The following SLIT2 variants were observed in gnomAD, a reference collection of about 807,000 sequenced individuals.
SLIT2 encodes the protein slit guidance ligand 2.
In SLIT2, 41 loss-of-function variants were observed where a neutral mutation model predicts 185.7. The ratio of observed to expected loss-of-function variants is 0.22; its 90% confidence interval spans 0.17 to 0.29. The LOEUF is 0.29. SLIT2 is among the 10% of genes least tolerant of loss of function. The pLI, the probability that SLIT2 is intolerant of heterozygous loss-of-function variation, is 1.00. For missense variants in SLIT2, 1,571 were observed against 1,909.0 expected, an observed-to-expected ratio of 0.82 and a Z score of 3.30; for synonymous variants, 693 against 680.2, an observed-to-expected ratio of 1.02 and a Z score of -0.29.
rs577557476 is a variant in SLIT2, at chr4:20,539,977, A to G, written c.1976+393A>G. 3.0e-4 allele frequency among the ~76,000 whole-genome samples: 45 copies of G among 152,244 alleles called. 1 individual carries two copies. The South Asian group carries it at 7.7e-3, about 26-fold the overall frequency. ...AGGAGAATTGATAGAGTTATTGCCAACAAACTTGCTCAAAAGGATCAGCTG... is the reference window on the plus strand; with the variant it reads ...AGGAGAATTGATAGAGTTATTGCCAGCAAACTTGCTCAAAAGGATCAGCTG... On this transcript the variant is annotated intron_variant, in intron 19 of 36. Transcript: ENST00000504154.
rs200224686 is a variant in SLIT2 at position 20,253,819 on chromosome 4, C to T, written c.4C>T (p.Arg2Cys). The T allele has an allele frequency of 1.4e-5, 23 of 1,598,440 alleles. No individual in the cohort carries two copies. In the East Asian group the frequency reaches 4.7e-4, roughly 33 times the overall value. ...AGGAAGGAGGCGGCGGGGAAAGATG[C>T]GCGGCGTTGGCTGGCAGATGCTGTC... M[R>C]GVGWQMLSLS... is the part of the protein sequence containing the mutation. Residue 2 changes from arginine (R) to cysteine (C), a missense_variant, in exon 1 of 37, where the codon CGC becomes TGC. Around this residue, in one of 3 missense-constraint regions of SLIT2, gnomAD observed 1,202 missense variants for 1,416.4 expected, o/e 0.85. Coordinates refer to ENST00000504154, the MANE Select transcript of SLIT2 (RefSeq NM_004787.4).
chr4:20,440,768 T>C (rs1313996282), intron 4 of SLIT2, among the ~76,000 whole-genome samples: 1 of 152,228 alleles, frequency 6.6e-6, no homozygotes, highest in Non-Finnish European at 1.5e-5. Context: ...ATTTGTAAGA[T>C]GTCAATAGAT....
Position 20,523,763 on chromosome 4 carries a change from A to G in SLIT2, c.1134A>G (p.Leu378=), listed in dbSNP as rs150128047. Residue 378 remains leucine, a synonymous_variant, in exon 13 of 37, where the codon TTA becomes TTG. Coordinates refer to ENST00000504154, the MANE Select transcript of SLIT2 (RefSeq NM_004787.4). The stretch of plus-strand genomic sequence containing the variant: ...CTACAACTATTTAATCAAACAGATT[A>G]TTGAATGCCAACAAGATAAACTGCC... ...FEGLFSLQLL[L]LNANKINCLR... is the part of the protein sequence containing the mutation. 18 of 1,613,436 alleles carry G rather than the reference A, an allele frequency of 1.1e-5. No individual in the cohort carries two copies. The African/African-American group carries it at 2.0e-4, about 18-fold the overall frequency.
At chr4:20,471,339 C>T (rs1008063625) in intron 5 of SLIT2, among the ~76,000 whole-genome samples, 1 of 152,012 alleles carries the variant, frequency 6.6e-6, no homozygotes, top group Non-Finnish European at 1.5e-5. Context: ...AAATTTAATT[C>T]CTATTATTGT....
chr4:20,591,595 C>T (rs537689094), intron 30 of SLIT2, among the ~76,000 whole-genome samples: 1 of 151,960 alleles, frequency 6.6e-6, no homozygotes, highest in South Asian at 2.1e-4. Context: ...TCCATTTTCA[C>T]TTTATACAAA....
chr4:20,503,667 T>G (rs139255848), intron 9 of SLIT2, among the ~76,000 whole-genome samples: 4 of 152,254 alleles, frequency 2.6e-5, no homozygotes, highest in African/African-American at 9.6e-5. Flanking sequence ...TAACACTTAG[T>G]CAAAAGGTGC....
At chr4:20,275,580 A>G (rs190900848) in intron 4 of SLIT2, among the ~76,000 whole-genome samples, 1 of 152,246 alleles carries the variant, frequency 6.6e-6, no homozygotes, top group African/African-American at 2.4e-5. Flanking sequence ...ATTTATCCTT[A>G]CTGTAGTAAC....
At position 20,611,447 on chromosome 4, in the gene SLIT2, A is replaced by T. The variant is rs182287311; in HGVS notation, c.3847+1280A>T. On this transcript the variant is annotated intron_variant, in intron 34 of 36. Transcript: ENST00000504154. ...CATAAAGGATATAAAGTTGAAGAAG[A>T]AATGTCCATTCTACTCCCTAAAAAG... Among the ~76,000 whole-genome samples the T allele has an allele frequency of 2.0e-3, 306 of 152,354 alleles. 1 individual carries two copies. Among genetic ancestry groups the T allele is most frequent in the Admixed American group, 4.2e-3 (65 of 15,304 alleles).
At chr4:20,381,308 T>G (rs890022663) in intron 4 of SLIT2, among the ~76,000 whole-genome samples, 7 of 151,930 alleles carry the variant, frequency 4.6e-5, no homozygotes, top group African/African-American at 1.7e-4. Context: ...GAGAATATTT[T>G]AAAAGCAGGC....
chr4:20,294,416 A>G (rs375881876), intron 4 of SLIT2, among the ~76,000 whole-genome samples: 13 of 152,122 alleles, frequency 8.5e-5, no homozygotes, highest in African/African-American at 3.1e-4. Flanking sequence ...AAGCCAGGTA[A>G]ATATACAAAG....
At chr4:20,609,835 AT>A (rs1177627868) in intron 33 of SLIT2, among the ~76,000 whole-genome samples, 177 bp from the exon 34 acceptor site, 11 of 152,208 alleles carry the variant, frequency 7.2e-5, no homozygotes. Context: ...ACTGAAATCA[AT>A]CACATCTCCT....
chr4:20,406,688 A>G (rs1422820770), intron 4 of SLIT2, among the ~76,000 whole-genome samples: 1 of 144,630 alleles, frequency 6.9e-6, no homozygotes, highest in East Asian at 2.5e-4. Flanking sequence ...TACAACTACA[A>G]GGACTCTCAA....
chr4:20,508,506 T>C (rs1719408250), intron 9 of SLIT2, among the ~76,000 whole-genome samples: 1 of 152,034 alleles, frequency 6.6e-6, no homozygotes, highest in South Asian at 2.1e-4. Flanking sequence ...TTAAATGATA[T>C]AGCAATACAT....
chr4:20,402,579 G>A (rs1726446375), intron 4 of SLIT2, among the ~76,000 whole-genome samples: 2 of 151,932 alleles, frequency 1.3e-5, no homozygotes, highest in Admixed American at 6.6e-5. Flanking sequence ...TGATAAGGGA[G>A]AAAATTTATT....
chr4:20,501,536 G>C (rs1021962587), intron 9 of SLIT2, among the ~76,000 whole-genome samples: 1 of 151,830 alleles, frequency 6.6e-6, no homozygotes, highest in Non-Finnish European at 1.5e-5. Context: ...TGCCTGCCTC[G>C]GCCTCTCAAA....
intron 4 of SLIT2, among the ~76,000 whole-genome samples, chr4:20,273,766 T>C (rs1713878421): frequency 6.6e-6 from 1 of 152,200 alleles, no homozygotes; most frequent in African/African-American, 2.4e-5. Context: ...GAGTCAACCA[T>C]GAAAGCAGGA....
intron 4 of SLIT2, among the ~76,000 whole-genome samples, chr4:20,383,447 A>G (rs1724691137): frequency 1.3e-5 from 2 of 152,190 alleles, no homozygotes; most frequent in African/African-American, 2.4e-5. Flanking sequence ...AGGGGATACA[A>G]ACAAACACCT....
Position 20,346,900 on chromosome 4 carries a change from C to G in SLIT2, c.395+78019C>G, listed in dbSNP as rs138999896. On this transcript the variant is annotated intron_variant, in intron 4 of 36. Transcript: ENST00000504154. ...TCCACGTTCTTCTGCTGCTTTTATC[C>G]TAGCCAAGCTGGCCCCTGATTAGAT... 3.8e-3 allele frequency among the ~76,000 whole-genome samples: 575 copies of G among 152,274 alleles called. 9 individuals are homozygous for G. The highest frequency in any genetic ancestry group is 0.013 in the African/African-American group (528 of 41,562).
intron 29 of SLIT2, among the ~76,000 whole-genome samples, chr4:20,588,257 A>G (rs1166013841): frequency 6.6e-6 from 1 of 152,252 alleles, no homozygotes; most frequent in Non-Finnish European, 1.5e-5. Context: ...GATAAAAACT[A>G]ATATCATACA....
Sources: gnomAD v4.1 joint callset for allele counts (sites outside exome capture counted in the v4.1 genomes callset) on GRCh38, gnomAD v4.1.1 for gene constraint, gnomAD v4.1.1 regional missense constraint, MANE v1.5 for transcripts, NCBI Gene and HGNC (gene_info 2026-07-23, HGNC 2026-07-21) for gene names.